Variants in HELZ2 observed in about 807,000 individuals in gnomAD.
The protein encoded by HELZ2 is 3'-5' exoribonuclease HELZ2.
In HELZ2, 143 loss-of-function variants were observed where a neutral mutation model predicts 208.8. The observed-to-expected ratio is 0.68, with a 90% CI of 0.60 to 0.79. HELZ2 has a LOEUF of 0.79. Among genes scored for constraint, HELZ2 ranks in the 30% least tolerant of loss-of-function variants. The pLI is 0.00. For synonymous variants in HELZ2, 1,705 were observed against 1,693.7 expected, an observed-to-expected ratio of 1.01 and a Z score of -0.16; for missense variants, 3,690 against 3,794.5, an observed-to-expected ratio of 0.97 and a Z score of 0.72.
chr20:63,562,313 C>A (rs1440213652), exon 9 of HELZ2: 1 of 1,599,716 alleles, frequency 6.3e-7, no homozygotes. Flanking sequence ...GCGGGACAGG[C>A]CGGCCCAGTG....
In HELZ2 at chr20:63,561,904, G is replaced by T. The variant is rs776791485; in HGVS notation, c.6610C>A (p.Pro2204Thr). 6 of 1,583,842 alleles carry T rather than the reference G, an allele frequency of 3.8e-6. No individual in the cohort carries two copies. In the Admixed American group the frequency reaches 7.2e-5, roughly 19 times the overall value. Reference sequence around the variant, plus strand: ...CCCAGCCGCTTCTCCCCACGGGGGGGGCCTCCGGGCTGCACCTGCTCCTGG... The same window carrying T: ...CCCAGCCGCTTCTCCCCACGGGGGGTGCCTCCGGGCTGCACCTGCTCCTGG... The change falls in exon 11 of 19, where the codon CCC becomes ACC. Residue 2204 changes from proline to threonine, a missense_variant. Physicochemically the swap from Pro to Thr is conservative, Grantham distance 38. This residue lies in a region of HELZ2 where 2,564 missense variants were observed against 2,580.5 expected (regional missense o/e 0.99). Transcript: ENST00000467148.
chr20:63,567,206 G>T, exon 6 of HELZ2: 2 of 1,607,672 alleles, frequency 1.2e-6, no homozygotes, highest in Non-Finnish European at 1.7e-6. Context: ...AAGAGGCGGT[G>T]CAGCAGCGTG....
rs371982892 is a variant in HELZ2, at chr20:63,563,110, C to T, written c.5712G>A (p.Thr1904=). 1.2e-5 allele frequency: 19 copies of T among 1,594,470 alleles called. No individual in the cohort carries two copies. The African/African-American group carries it at 1.3e-4, about 11-fold the overall frequency. Residue 1904 remains threonine, a synonymous_variant, in exon 8 of 19, where the codon ACG becomes ACA. Coordinates refer to ENST00000467148, the Ensembl canonical transcript of HELZ2. ...GGCAGAGGCTGAAGCCCGGTGCCACCGTCCAGAGCTGAGGGCTCGGTACCA... is the reference window on the plus strand; with the variant it reads ...GGCAGAGGCTGAAGCCCGGTGCCACTGTCCAGAGCTGAGGGCTCGGTACCA...
At chr20:63,562,458 C>G in intron 8 of HELZ2, 62 bp downstream of exon 9, 1 of 1,528,696 alleles carries the variant, frequency 6.5e-7, no homozygotes, top group Non-Finnish European at 8.8e-7. Context: ...GCTCCCCCCT[C>G]CTGCAAGTGA....
At chr20:63,560,866 G>A (rs2082877959) in exon 15 of HELZ2, 2 of 1,613,202 alleles carry the variant, frequency 1.2e-6, no homozygotes, top group African/African-American at 2.7e-5. Flanking sequence ...TCCAGACCCA[G>A]GTTTTGCAGC....
At chr20:63,564,430 C>A in exon 8 of HELZ2, 1 of 1,552,740 alleles carries the variant, frequency 6.4e-7, no homozygotes, top group South Asian at 1.2e-5. Context: ...GCTGCCTGAT[C>A]ACCTCCTCCG....
rs930923434 is a variant in HELZ2, at chr20:63,566,312, G to T, written c.2590+66C>A. ...CCACCCCTGCCGATGCCAGGCTGAG[G>T]AGTGGGCCGAGCCACCCGGGGTATC... is the stretch of plus-strand genomic sequence containing the variant. On this transcript the variant is annotated intron_variant, in intron 7 of 18. Transcript: ENST00000467148. 4 of 1,515,922 alleles carry T rather than the reference G, an allele frequency of 2.6e-6. No individual in the cohort carries two copies. In the African/African-American group the frequency reaches 5.5e-5, roughly 21 times the overall value. The allele number at this position is 1,515,922 out of a possible 1,614,324, so 93.9% of individuals were successfully genotyped here. A position where few individuals can be genotyped will look rare whatever the true frequency, so the allele number is the denominator to read the frequency against.
In HELZ2 at chr20:63,565,140, C is replaced by T. The variant is rs758031702; in HGVS notation, c.3682G>A (p.Val1228Met). The T allele has an allele frequency of 1.8e-5, 28 of 1,585,360 alleles. No homozygotes were observed. The highest frequency in any genetic ancestry group is 3.6e-5 in the Admixed American group (2 of 55,470). Reference sequence around the variant, plus strand: ...TGCGATGGGTCCTTCAGCTCGGCCACGAAGATCTTGGTCACGGAGCCATTG... The same window carrying T: ...TGCGATGGGTCCTTCAGCTCGGCCATGAAGATCTTGGTCACGGAGCCATTG... Residue 1228 changes from valine (V) to methionine (M), a missense_variant, in exon 8 of 19, where the codon GTG becomes ATG. By Grantham distance (21) the Val-to-Met change is conservative. Transcript: ENST00000467148.
exon 8 of HELZ2, chr20:63,564,498 T>A (rs981669004): frequency 6.3e-7 from 1 of 1,588,086 alleles, no homozygotes; most frequent in African/African-American, 1.3e-5. Flanking sequence ...AAGCGCAGGC[T>A]CTTCAGCTGG....
At chr20:63,569,275 G>A (rs1301344157) in exon 4 of HELZ2, 4 of 1,574,652 alleles carry the variant, frequency 2.5e-6, no homozygotes, top group African/African-American at 2.7e-5. Flanking sequence ...GCCAGGGCAG[G>A]GCCCTTGTAC....
exon 8 of HELZ2, chr20:63,563,398 G>A (rs1411360620): frequency 1.3e-6 from 2 of 1,535,860 alleles, no homozygotes; most frequent in South Asian, 2.4e-5. Context: ...GCAGTGGCAG[G>A]GGCGGGCTGG....
In HELZ2 at chr20:63,562,272, G is replaced by A; in HGVS notation, c.6397+16C>T. The A allele has an allele frequency of 1.3e-6, 2 of 1,597,506 alleles. No individual in the cohort carries two copies. On this transcript the variant is annotated intron_variant, in intron 9 of 18. Transcript: ENST00000467148. ...TGGGGGCCAGAGGGGAAGCTGGAGG[G>A]GTGGGGCAGACCTACCTCTGCAGAG...
At position 63,569,658 on chromosome 20, in the gene HELZ2, A is replaced by AG; in HGVS notation, c.577dup (p.Leu193ProfsTer32). 6.5e-7 allele frequency: 1 copy of AG among 1,530,604 alleles called. No homozygotes were observed. Among genetic ancestry groups the AG allele is most frequent in the Non-Finnish European group, 8.8e-7 (1 of 1,137,182 alleles). 94.8% of individuals were successfully genotyped at this position (1,530,604 alleles called of 1,614,324 possible). A position where few individuals can be genotyped will look rare whatever the true frequency, so the allele number is the denominator to read the frequency against. On this transcript the variant is annotated frameshift_variant, in exon 4 of 19. Transcript: ENST00000467148. LOFTEE classifies it high-confidence loss of function. Reference sequence around the variant, plus strand: ...CTGCTTCAGCAGGGCCACGTGTAGCAGGGGCTCCTGGAGAGGAGGCCAGAC... The same window carrying AG: ...CTGCTTCAGCAGGGCCACGTGTAGCAGGGGGCTCCTGGAGAGGAGGCCAGAC...
rs1260486315 is a variant in HELZ2, at chr20:63,560,938, A to C, written c.7147-9T>G. The C allele has an allele frequency of 6.2e-7, 1 of 1,612,234 alleles. No homozygotes were observed. Among genetic ancestry groups the C allele is most frequent in the Non-Finnish European group, 8.5e-7 (1 of 1,179,536 alleles). Reference sequence around the variant, plus strand: ...TCTCCGAGAAGAACCACCTGGAGGAATAGGCAGGCCTGGCCCTGACACCCC... The same window carrying C: ...TCTCCGAGAAGAACCACCTGGAGGACTAGGCAGGCCTGGCCCTGACACCCC... On this transcript the variant is annotated splice_polypyrimidine_tract_variant and intron_variant, in intron 14 of 18. Coordinates refer to ENST00000467148, the Ensembl canonical transcript of HELZ2.
upstream of HELZ2, chr20:63,572,690 C>T: frequency 5.3e-6 from 2 of 376,326 alleles, no homozygotes; most frequent in Non-Finnish European, 9.6e-6. Context: ...GGCCGCCCGG[C>T]CTGCCCCTCC....
chr20:63,568,321 G>A (rs761594655), intron 5 of HELZ2, 37 bp downstream of exon 6: 10 of 1,495,698 alleles, frequency 6.7e-6, no homozygotes, highest in South Asian at 2.3e-5. Flanking sequence ...TGGGCCGGGC[G>A]TCAGGTGAGG....
In HELZ2 at chr20:63,562,881, C is replaced by T. The variant is rs149462794; in HGVS notation, c.5941G>A (p.Gly1981Arg). The T allele has an allele frequency of 1.6e-4, 250 of 1,603,518 alleles. No homozygotes were observed. The African/African-American group carries it at 3.1e-3, about 20-fold the overall frequency. Residue 1981 changes from glycine to arginine, a missense_variant, in exon 8 of 19, where the codon GGG (glycine) becomes AGG (arginine). This residue lies in a region of HELZ2 where 2,564 missense variants were observed against 2,580.5 expected (regional missense o/e 0.99). Transcript: ENST00000467148. The stretch of plus-strand genomic sequence containing the variant: ...AGGCGGAAGGCGCCCTGCAGCTGCC[C>T]CTGCGGCGTCCGTGACGCCTCCCAG...
Position 63,564,037 on chromosome 20 carries a change from C to A in HELZ2, c.4785G>T (p.Arg1595=), listed in dbSNP as rs556268627. The A allele has an allele frequency of 1.0e-5, 16 of 1,604,918 alleles. No individual in the cohort carries two copies. The African/African-American group carries it at 1.9e-4, about 19-fold the overall frequency. Residue 1595 remains arginine (R), a synonymous_variant, in exon 8 of 19, where the codon CGG becomes CGT. Coordinates refer to ENST00000467148, the Ensembl canonical transcript of HELZ2. ...TCCAGAGGGAGGCCAGGAGGTGCAG[C>A]CGCGTGTCGGGGGGACTGCCCCCGC...
chr20:63,573,729 G>C (rs1045920099), upstream of HELZ2, among the ~76,000 whole-genome samples: 2 of 152,074 alleles, frequency 1.3e-5, no homozygotes, highest in Admixed American at 6.5e-5. This position sits in a 1 kb window ranked among gnomAD's most constrained non-coding sequence, Gnocchi z 4.9. Flanking sequence ...GGAGAGGAGG[G>C]TACAGTGCCC....
Sources: allele counts gnomAD v4.1 joint callset (sites outside exome capture counted in the v4.1 genomes callset), GRCh38; gene constraint gnomAD v4.1.1; regional missense constraint gnomAD v4.1.1; non-coding constraint Gnocchi (gnomAD v3.1); transcripts MANE v1.5; gene names NCBI Gene and HGNC (gene_info 2026-07-23, HGNC 2026-07-21).